Variants in FOXK2 observed in about 807,000 individuals in gnomAD.
The protein encoded by FOXK2 is forkhead box protein K2.
Under a neutral mutation model 53.3 loss-of-function variants are expected in FOXK2, and 24 were observed. The ratio of observed to expected loss-of-function variants is 0.45; its 90% CI spans 0.33 to 0.63. FOXK2 has a LOEUF of 0.63. Among genes scored for constraint, FOXK2 ranks in the 30% least tolerant of loss-of-function variants. The pLI is 0.03. For missense variants in FOXK2, 952 were observed against 910.5 expected (o/e 1.05, Z -0.59); for synonymous variants, 505 against 407.1 (o/e 1.24, Z -2.89).
chr17:82,585,898 C>T lies in FOXK2; in HGVS notation c.1280-6C>T, dbSNP rs1210348797. The T allele has an allele frequency of 6.2e-7, 1 of 1,604,880 alleles. No individual in the cohort carries two copies. The highest frequency in any genetic ancestry group is 8.5e-7 in the Non-Finnish European group (1 of 1,173,588). On this transcript the variant is annotated splice_polypyrimidine_tract_variant and splice_region_variant and intron_variant, in intron 6 of 8. Coordinates refer to ENST00000335255, the MANE Select transcript of FOXK2 (RefSeq NM_004514.4). The stretch of plus-strand genomic sequence containing the variant: ...TAAGTGTCAGTCCTGCTGTGTCTTT[C>T]ACCAGGGTCACCTCTGTCCAGTCAG...
rs1459591335 is a variant in FOXK2 at position 82,519,939 on chromosome 17, C to A, written c.51C>A (p.Gly17=). 1 of 819,810 alleles carries A rather than the reference C, an allele frequency of 1.2e-6. No homozygotes were observed. The highest frequency in any genetic ancestry group is 2.1e-5 in the African/African-American group (1 of 48,282). 50.8% of individuals were successfully genotyped at this position (819,810 alleles called of 1,614,324 possible). Residue 17 remains glycine, a synonymous_variant, in exon 1 of 9, where the codon GGC becomes GGA. Coordinates refer to ENST00000335255, the MANE Select transcript of FOXK2 (RefSeq NM_004514.4). ...CGGGCGCGGGCACGCCACCCGCGGGCGGCGGGGCCGGGGGCGGCGGGGCCG... is the reference window on the plus strand; with the variant it reads ...CGGGCGCGGGCACGCCACCCGCGGGAGGCGGGGCCGGGGGCGGCGGGGCCG... ...ALSGAGTPPA[G]GGAGGGGAGG...
At chr17:82,591,817 C>T (rs2045255876) in intron 8 of FOXK2, among the ~76,000 whole-genome samples, 1 of 152,220 alleles carries the variant, frequency 6.6e-6, no homozygotes, top group Non-Finnish European at 1.5e-5. Flanking sequence ...CTTCCTGTTT[C>T]CAAAGCTCAT....
chr17:82,586,588 C>T (rs970836096), intron 7 of FOXK2, among the ~76,000 whole-genome samples: 3 of 151,864 alleles, frequency 2.0e-5, no homozygotes, highest in Non-Finnish European at 4.4e-5. Context: ...CAGCCTCACA[C>T]TCTGGGAAGT....
chr17:82,533,489 C>CA (rs77314230), intron 1 of FOXK2, among the ~76,000 whole-genome samples: 31,807 of 144,652 alleles, frequency 0.22, 3,665 homozygotes, highest in East Asian at 0.4. Flanking sequence ...GACTTTGTCT[C>CA]AAAAAAAAAA....
At chr17:82,592,483 C>G (rs759135549) in intron 8 of FOXK2, among the ~76,000 whole-genome samples, 1 of 152,220 alleles carries the variant, frequency 6.6e-6, no homozygotes, top group Admixed American at 6.5e-5. Context: ...AGGCCCTTCA[C>G]GGGGCCACTC....
intron 1 of FOXK2, among the ~76,000 whole-genome samples, chr17:82,531,424 T>C (rs1438326910): frequency 6.6e-6 from 1 of 152,194 alleles, no homozygotes; most frequent in Non-Finnish European, 1.5e-5. Context: ...TTTTTGGCCT[T>C]GTACAGTCAT....
At chr17:82,556,751 C>T (rs2044729936) in intron 1 of FOXK2, among the ~76,000 whole-genome samples, 1 of 151,876 alleles carries the variant, frequency 6.6e-6, no homozygotes, top group Admixed American at 6.6e-5. Flanking sequence ...GGCTAGAGTG[C>T]AGTGGCAGGA....
At chr17:82,586,538 C>G (rs112944912) in intron 7 of FOXK2, among the ~76,000 whole-genome samples, 2,284 of 25,994 alleles carry the variant, frequency 0.088, 537 homozygotes, top group African/African-American at 0.22. Context: ...ACAGGGAGGT[C>G]AAAGGTAGGC....
chr17:82,560,575 T>C (rs867519110), intron 1 of FOXK2, among the ~76,000 whole-genome samples: 24 of 152,372 alleles, frequency 1.6e-4, no homozygotes, highest in African/African-American at 5.5e-4. Flanking sequence ...TATTTTTCCT[T>C]TGTTTCCATT....
At chr17:82,585,152 C>G (rs1485187000) in intron 6 of FOXK2, 1 of 152,330 alleles carries the variant, frequency 6.6e-6, no homozygotes, top group African/African-American at 2.4e-5. Context: ...TCTCTCTGCT[C>G]TAAGCCCCCA....
chr17:82,525,230 C>T (rs1260787273), intron 1 of FOXK2, among the ~76,000 whole-genome samples: 3 of 151,940 alleles, frequency 2.0e-5, no homozygotes, highest in Admixed American at 1.3e-4. Context: ...AGTGCAGTGA[C>T]GCAGTCTCAG....
chr17:82,602,671 G>A lies in FOXK2; in HGVS notation c.*1172G>A, dbSNP rs772923061. On this transcript the variant is annotated 3_prime_UTR_variant, in exon 9 of 9. Coordinates refer to ENST00000335255, the MANE Select transcript of FOXK2 (RefSeq NM_004514.4). ...GAAATGTCCCTGACCTTTCAGAACC[G>A]AACCCAATCCTGAGGCTGACTCCTC... The A allele has an allele frequency of 1.3e-5, 2 of 152,218 alleles. No individual in the cohort carries two copies. Among genetic ancestry groups the A allele is most frequent in the Admixed American group, 6.5e-5 (1 of 15,280 alleles). 9.4% of individuals were successfully genotyped at this position (152,218 alleles called of 1,614,324 possible).
chr17:82,595,494 G>A (rs1276923044), intron 8 of FOXK2, among the ~76,000 whole-genome samples: 1 of 152,052 alleles, frequency 6.6e-6, no homozygotes, highest in African/African-American at 2.4e-5. Context: ...GTAGAGATGG[G>A]GTCTTACCGT....
intron 1 of FOXK2, among the ~76,000 whole-genome samples, chr17:82,523,703 C>T (rs931264726): frequency 3.3e-5 from 5 of 152,014 alleles, no homozygotes; most frequent in African/African-American, 1.2e-4. Flanking sequence ...TCTTGAACTC[C>T]TGACCTCAGG....
At chr17:82,581,726 C>T (rs997948815) in intron 4 of FOXK2, among the ~76,000 whole-genome samples, 21 of 152,284 alleles carry the variant, frequency 1.4e-4, no homozygotes, top group South Asian at 2.1e-4. Flanking sequence ...CCGCCCGCCT[C>T]GGCCTCCCAA....
At position 82,519,797 on chromosome 17, in the gene FOXK2, G is replaced by C. The variant is rs997768621; in HGVS notation, c.-92G>C. The C allele has an allele frequency of 2.5e-6, 1 of 393,584 alleles. No individual in the cohort carries two copies. The highest frequency in any genetic ancestry group is 6.7e-5 in the Admixed American group (1 of 14,966). The allele number at this position is 393,584 out of a possible 1,614,324, so 24.4% of individuals were successfully genotyped here. A position where few individuals can be genotyped will look rare whatever the true frequency, so the allele number is the denominator to read the frequency against. On this transcript the variant is annotated 5_prime_UTR_variant, in exon 1 of 9. Transcript: ENST00000335255. Reference sequence around the variant, plus strand: ...CCGCTCGGCCCCCTCCCTCAGCTCCGGTGCGCGGCGGCCGACGACCCGCGC... The same window carrying C: ...CCGCTCGGCCCCCTCCCTCAGCTCCCGTGCGCGGCGGCCGACGACCCGCGC...
intron 8 of FOXK2, chr17:82,600,447 T>G (rs1014213173): frequency 1.3e-5 from 2 of 152,266 alleles, no homozygotes; most frequent in Non-Finnish European, 2.9e-5. Context: ...CCTCAGTCTT[T>G]TCTTAGTCCT....
At chr17:82,527,075 G>A (rs1016987488) in intron 1 of FOXK2, among the ~76,000 whole-genome samples, 5 of 152,188 alleles carry the variant, frequency 3.3e-5, no homozygotes, top group African/African-American at 1.2e-4. Context: ...TGACAAGCTT[G>A]TGAGTGGAGC....
chr17:82,530,101 G>A (rs1370488186), intron 1 of FOXK2, among the ~76,000 whole-genome samples: 1 of 152,086 alleles, frequency 6.6e-6, no homozygotes, highest in African/African-American at 2.4e-5. Flanking sequence ...GGGAAAGATG[G>A]CTCTCAAGGT....
Sources: gnomAD v4.1 joint callset for allele counts (sites outside exome capture counted in the v4.1 genomes callset) on GRCh38, gnomAD v4.1.1 for gene constraint, MANE v1.5 for transcripts, NCBI Gene and HGNC (gene_info 2026-07-23, HGNC 2026-07-21) for gene names.